RIOX2: variants seen among roughly 807,000 people sequenced by gnomAD.
RIOX2 encodes the protein ribosomal oxygenase 2.
A neutral mutation model predicts 51.2 loss-of-function variants in RIOX2; 43 were observed. The observed-to-expected ratio is 0.84, with a 90% CI of 0.66 to 1.08. The LOEUF (loss-of-function observed/expected upper bound fraction) is 1.08, where lower values mean the gene tolerates loss of function less well. Ranked by LOEUF, RIOX2 falls within the 50% of genes least tolerant of loss-of-function variation. The pLI is 0.00. For missense variants in RIOX2, 566 were observed against 561.7 expected, an observed-to-expected ratio of 1.01 and a Z score of -0.08; for synonymous variants, 226 against 218.5, an observed-to-expected ratio of 1.03 and a Z score of -0.30.
chr3:97,955,833 T>C (rs1266378006), intron 4 of RIOX2, among the ~76,000 whole-genome samples: 1 of 152,212 alleles, frequency 6.6e-6, no homozygotes, highest in Non-Finnish European at 1.5e-5. Flanking sequence ...TGGTACAGCC[T>C]ACTGCTCCTA....
intron 4 of RIOX2, among the ~76,000 whole-genome samples, chr3:97,957,760 T>C (rs1344845872): frequency 6.6e-6 from 1 of 152,186 alleles, no homozygotes. Flanking sequence ...AGAGTACAGA[T>C]GGCTTAGTCT....
chr3:97,965,527 A>AG (rs1193018978), intron 2 of RIOX2, among the ~76,000 whole-genome samples: 3 of 151,564 alleles, frequency 2.0e-5, no homozygotes, highest in Non-Finnish European at 4.4e-5. Context: ...AAAAAAAAAA[A>AG]GGCACATCCT....
Position 97,967,345 on chromosome 3 carries a change from T to C in RIOX2, c.249A>G (p.Leu83=). ...GGCTGCACAGACTCTTCAGATCTGTTAGCTTGAACAGGGACCCATAGTATG... is the reference window on the plus strand; with the variant it reads ...GGCTGCACAGACTCTTCAGATCTGTCAGCTTGAACAGGGACCCATAGTATG... The part of the protein sequence containing the change: ...LATYYGSLFK[L]TDLKSLCSRG... The change falls in exon 2 of 10, where the codon CTA becomes CTG. Residue 83 remains leucine, a synonymous_variant. Coordinates refer to ENST00000394198, the MANE Select transcript of RIOX2 (RefSeq NM_153182.4). 6.2e-7 allele frequency: 1 copy of C among 1,614,196 alleles called. No individual in the cohort carries two copies. Among genetic ancestry groups the C allele is most frequent in the South Asian group, 1.1e-5 (1 of 91,074 alleles).
intron 4 of RIOX2, among the ~76,000 whole-genome samples, chr3:97,955,654 T>C (rs1006934066): frequency 1.3e-5 from 2 of 152,192 alleles, no homozygotes; most frequent in African/African-American, 4.8e-5. Flanking sequence ...TACTGATAAT[T>C]ATAACTATCA....
chr3:97,947,106 T>G (rs1015426519), intron 8 of RIOX2, among the ~76,000 whole-genome samples: 1 of 151,682 alleles, frequency 6.6e-6, no homozygotes, highest in Non-Finnish European at 1.5e-5. Flanking sequence ...AGGCCCGAAG[T>G]AGGATGAGAA....
In RIOX2 at chr3:97,943,672, T is replaced by C. The variant is rs577871572; in HGVS notation, c.*1512A>G. On this transcript the variant is annotated 3_prime_UTR_variant, in exon 10 of 10. Transcript: ENST00000394198. ...GGACACTGGTGATGCTATTATCCTGTATTATTTATTAATATCCTACCTAGA... is the reference window on the plus strand; with the variant it reads ...GGACACTGGTGATGCTATTATCCTGCATTATTTATTAATATCCTACCTAGA... 8.6e-4 allele frequency: 180 copies of C among 210,306 alleles called. No homozygotes were observed. Among genetic ancestry groups the C allele is most frequent in the African/African-American group, 4.0e-3 (171 of 42,238 alleles). The allele number at this position is 210,306 out of a possible 1,614,324, so 13.0% of individuals were successfully genotyped here.
At chr3:97,961,549 T>G (rs1412270904) in intron 3 of RIOX2, 40 bp downstream of exon 3, 1 of 1,565,828 alleles carries the variant, frequency 6.4e-7, no homozygotes, top group East Asian at 2.3e-5. Flanking sequence ...TCTCAACAAC[T>G]CATTCTTCCC....
chr3:97,952,185 A>G (rs961233770), intron 5 of RIOX2: 11 of 1,289,832 alleles, frequency 8.5e-6, no homozygotes, highest in Non-Finnish European at 1.1e-5. Context: ...ATTAGGCTCA[A>G]AACACAGGAT....
chr3:97,947,664 CATAG>C (rs2040396892), intron 7 of RIOX2, among the ~76,000 whole-genome samples: 1 of 152,158 alleles, frequency 6.6e-6, no homozygotes, highest in Non-Finnish European at 1.5e-5. Flanking sequence ...TGAAGACAGA[CATAG>C]ATAAATAATG....
At chr3:97,950,532 T>G (rs997340816) in intron 6 of RIOX2, among the ~76,000 whole-genome samples, 2 of 152,244 alleles carry the variant, frequency 1.3e-5, no homozygotes, top group African/African-American at 4.8e-5. Flanking sequence ...ATTCATTTAC[T>G]CAACCAACAT....
At position 97,945,320 on chromosome 3, in the gene RIOX2, A is replaced by C; in HGVS notation, c.1262T>G (p.Leu421Trp). ...ETEFHGLRFPLSHLDALKQIW... is the reference protein window; with the variant it reads ...ETEFHGLRFPWSHLDALKQIW... ...TTGCTTCAGTGCATCCAAATGTGAC[A>C]AAGGGAAGCGAAGTCCATGAAACTG... The change falls in exon 10 of 10, where the codon TTG becomes TGG. Residue 421 changes from leucine to tryptophan, a missense_variant. Coordinates refer to ENST00000394198, the MANE Select transcript of RIOX2 (RefSeq NM_153182.4). 6.2e-7 allele frequency: 1 copy of C among 1,611,760 alleles called. No homozygotes were observed. The highest frequency in any genetic ancestry group is 8.5e-7 in the Non-Finnish European group (1 of 1,178,694).
rs751459415 is a variant in RIOX2, at chr3:97,967,403, A to G, written c.191T>C (p.Leu64Pro). ...TGCAGGGTCATCTCTCTGAATGAGAAGGGGCTTCTGCTCCCAGAATTCCTT... is the reference window on the plus strand; with the variant it reads ...TGCAGGGTCATCTCTCTGAATGAGAGGGGGCTTCTGCTCCCAGAATTCCTT... ...FFKEFWEQKP[L>P]LIQRDDPALA... is the part of the protein sequence containing the mutation. The change falls in exon 2 of 10, where the codon CTT becomes CCT. Residue 64 changes from leucine (L) to proline (P), a missense_variant. By Grantham distance (98) the Leu-to-Pro change is moderately conservative. Transcript: ENST00000394198. 1 of 1,614,160 alleles carries G rather than the reference A, an allele frequency of 6.2e-7. No individual in the cohort carries two copies. Among genetic ancestry groups the G allele is most frequent in the Non-Finnish European group, 8.5e-7 (1 of 1,180,028 alleles).
At chr3:97,965,990 A>G (rs1239184275) in intron 2 of RIOX2, among the ~76,000 whole-genome samples, 4 of 152,228 alleles carry the variant, frequency 2.6e-5, no homozygotes, top group Non-Finnish European at 5.9e-5. Flanking sequence ...CTAGGCCACA[A>G]GGTTAGCATT....
intron 1 of RIOX2, chr3:97,971,825 C>T (rs966440473): frequency 1.3e-5 from 2 of 152,308 alleles, no homozygotes; most frequent in Non-Finnish European, 2.9e-5. Flanking sequence ...GTTGGACAAC[C>T]CAGCTGTCGG....
chr3:97,962,375 CAT>C (rs1443998365), intron 2 of RIOX2, among the ~76,000 whole-genome samples: 2 of 84,928 alleles, frequency 2.4e-5, no homozygotes, highest in Admixed American at 1.3e-4. Context: ...CCCCCCCCCA[CAT>C]GGAGATGTCT....
chr3:97,948,026 G>A (rs1010575116), intron 7 of RIOX2, among the ~76,000 whole-genome samples: 3 of 152,102 alleles, frequency 2.0e-5, no homozygotes, highest in African/African-American at 7.2e-5. Context: ...GCCTTACAGG[G>A]TCATCTGCGT....
chr3:97,958,939 T>A, intron 4 of RIOX2, 112 bp downstream of exon 4: 1 of 1,223,696 alleles, frequency 8.2e-7, no homozygotes, highest in Non-Finnish European at 1.1e-6. Flanking sequence ...CAGGGATATA[T>A]TCCCACGGGG....
At chr3:97,951,947 A>G (rs1575998973) in intron 5 of RIOX2, among the ~76,000 whole-genome samples, 1 of 152,364 alleles carries the variant, frequency 6.6e-6, no homozygotes, top group East Asian at 1.9e-4. Context: ...GAAGTCATAC[A>G]GCAACAGCTC....
At chr3:97,964,415 G>T (rs1383339546) in intron 2 of RIOX2, among the ~76,000 whole-genome samples, 1 of 152,058 alleles carries the variant, frequency 6.6e-6, no homozygotes, top group Non-Finnish European at 1.5e-5. Context: ...CCACGGCTGG[G>T]TGCGGTGGCT....
Sources: gnomAD v4.1 joint callset for allele counts (sites outside exome capture counted in the v4.1 genomes callset) on GRCh38, gnomAD v4.1.1 for gene constraint, MANE v1.5 for transcripts, NCBI Gene and HGNC (gene_info 2026-07-23, HGNC 2026-07-21) for gene names.